RWDD3: variants seen among roughly 807,000 people sequenced by gnomAD.
The protein encoded by RWDD3 is RWD domain-containing protein 3.
RWDD3 carries 30 observed loss-of-function variants against 26.5 expected under a neutral mutation model. The observed-to-expected ratio is 1.13, with a 90% CI of 0.85 to 1.54. RWDD3 has a LOEUF of 1.54. RWDD3 is among the 40% of genes most tolerant of loss of function. RWDD3 has a pLI of 0.00. For synonymous variants in RWDD3, 113 were observed against 114.5 expected, an observed-to-expected ratio of 0.99 and a Z score of 0.09; for missense variants, 296 against 309.1, an observed-to-expected ratio of 0.96 and a Z score of 0.32.
chr1:95,245,368 C>CT (rs1440803058), intron 2 of RWDD3, among the ~76,000 whole-genome samples: 1 of 152,092 alleles, frequency 6.6e-6, no homozygotes, highest in Non-Finnish European at 1.5e-5. Flanking sequence ...ATGAGGAAAA[C>CT]TGTTTTTTAT....
chr1:95,235,412 G>A (rs1395351094), intron 1 of RWDD3, among the ~76,000 whole-genome samples: 1 of 124,146 alleles, frequency 8.1e-6, no homozygotes, highest in Non-Finnish European at 1.6e-5. Context: ...AGGCTGGAGT[G>A]CAGTGGCGCG....
Position 95,244,885 on chromosome 1 carries a change from T to C in RWDD3, c.573+187T>C, listed in dbSNP as rs1014913783. On this transcript the variant is annotated intron_variant, in intron 2 of 3. Coordinates refer to ENST00000370202, the MANE Select transcript of RWDD3 (RefSeq NM_015485.5). The stretch of plus-strand genomic sequence containing the variant: ...CTGACTGCTAATTACAAGTACAAAC[T>C]TGCAAAGCTTGAAGAATAAGATTGC... 9 of 631,520 alleles carry C rather than the reference T, an allele frequency of 1.4e-5. No individual in the cohort carries two copies. The Admixed American group carries it at 1.8e-4, about 12-fold the overall frequency. 39.1% of individuals were successfully genotyped at this position (631,520 alleles called of 1,614,324 possible). A position where few individuals can be genotyped will look rare whatever the true frequency, so the allele number is the denominator to read the frequency against.
At chr1:95,239,614 G>A (rs1184878969) in intron 1 of RWDD3, among the ~76,000 whole-genome samples, 1 of 152,066 alleles carries the variant, frequency 6.6e-6, no homozygotes, top group Non-Finnish European at 1.5e-5. Flanking sequence ...TGTGTGGGTG[G>A]GCAGGGGGAT....
At chr1:95,239,952 C>G in intron 1 of RWDD3, 5 of 1,288,282 alleles carry the variant, frequency 3.9e-6, no homozygotes, top group Non-Finnish European at 4.0e-6. Flanking sequence ...CTGTGGGTCT[C>G]AGGGTTTTGA....
intron 1 of RWDD3, chr1:95,239,925 G>A (rs773972717): frequency 2.3e-6 from 3 of 1,289,692 alleles, no homozygotes; most frequent in East Asian, 5.5e-5. Context: ...TGTTTATATG[G>A]CACAGGTTGG....
At chr1:95,242,409 A>G (rs1257895089) in intron 1 of RWDD3, among the ~76,000 whole-genome samples, 2 of 152,144 alleles carry the variant, frequency 1.3e-5, no homozygotes, top group African/African-American at 4.8e-5. Context: ...TGTTCAGTGA[A>G]TGCTTGTTCA....
At chr1:95,242,523 G>A (rs1350793115) in intron 1 of RWDD3, among the ~76,000 whole-genome samples, 2 of 152,238 alleles carry the variant, frequency 1.3e-5, no homozygotes, top group African/African-American at 2.4e-5. Flanking sequence ...AAATGGTTGT[G>A]TGTTGTCTGC....
intron 3 of RWDD3, 47 bp from the exon 4 acceptor site, chr1:95,246,707 TAC>T: frequency 6.5e-7 from 1 of 1,536,524 alleles, no homozygotes; most frequent in Non-Finnish European, 8.9e-7. Context: ...TCGATAATTA[TAC>T]TCTGACAAAT....
intron 1 of RWDD3, among the ~76,000 whole-genome samples, chr1:95,238,466 A>G (rs948021783): frequency 1.3e-5 from 2 of 151,608 alleles, no homozygotes; most frequent in Admixed American, 6.6e-5. Flanking sequence ...TAAAAATCCA[A>G]CTGAAGCATA....
At chr1:95,245,846 C>A (rs1680830949) in intron 2 of RWDD3, among the ~76,000 whole-genome samples, 1 of 152,152 alleles carries the variant, frequency 6.6e-6, no homozygotes, top group Admixed American at 6.5e-5. Context: ...TGCAGATGTT[C>A]TTACTCAGAT....
chr1:95,244,852 A>G (rs1680786376), intron 2 of RWDD3, 154 bp downstream of exon 2: 1 of 872,948 alleles, frequency 1.1e-6, no homozygotes, highest in Non-Finnish European at 1.7e-6. Flanking sequence ...TTTCTTTTTA[A>G]AGAATGTCTG....
intron 1 of RWDD3, chr1:95,239,826 G>T: frequency 7.8e-7 from 1 of 1,289,614 alleles, no homozygotes. Flanking sequence ...GACTGACATG[G>T]CTGGCTCAGT....
At chr1:95,235,222 A>G (rs1571835872) in intron 1 of RWDD3, among the ~76,000 whole-genome samples, 1 of 121,134 alleles carries the variant, frequency 8.3e-6, no homozygotes, top group Non-Finnish European at 1.7e-5. Flanking sequence ...AATTTTTTGT[A>G]TTTTTTTTTT....
intron 1 of RWDD3, chr1:95,243,193 C>T (rs1011511099): frequency 3.3e-5 from 5 of 152,100 alleles, no homozygotes; most frequent in African/African-American, 1.2e-4. Flanking sequence ...ATATCTGTAG[C>T]AATGGCTTTT....
At chr1:95,236,084 G>C (rs1680343312) in intron 1 of RWDD3, among the ~76,000 whole-genome samples, 1 of 152,158 alleles carries the variant, frequency 6.6e-6, no homozygotes, top group Non-Finnish European at 1.5e-5. Context: ...CCAGCACTTT[G>C]GGAGGCCGAG....
Position 95,246,772 on chromosome 1 carries a change from G to A in RWDD3, c.706G>A (p.Val236Ile), listed in dbSNP as rs749702259. Reference sequence around the variant, plus strand: ...ATAATGCAGGTTTCTGGCATTTGAAGTCAAAGAGTATTCAGCGTTGGATGA... The same window carrying A: ...ATAATGCAGGTTTCTGGCATTTGAAATCAAAGAGTATTCAGCGTTGGATGA... ...TEHKRFLAFE[V>I]KEYSALDELQ... is the part of the protein sequence containing the mutation. The change falls in exon 4 of 4, where the codon GTC (valine) becomes ATC (isoleucine). Residue 236 changes from valine to isoleucine, a missense_variant. Physicochemically the swap from Val to Ile is conservative, Grantham distance 29. Coordinates refer to ENST00000370202, the MANE Select transcript of RWDD3 (RefSeq NM_015485.5). 6.4e-7 allele frequency: 1 copy of A among 1,562,376 alleles called. No homozygotes were observed. Among genetic ancestry groups the A allele is most frequent in the Non-Finnish European group, 8.6e-7 (1 of 1,157,898 alleles).
At chr1:95,236,870 C>T (rs1680384488) in intron 1 of RWDD3, among the ~76,000 whole-genome samples, 1 of 152,128 alleles carries the variant, frequency 6.6e-6, no homozygotes, top group African/African-American at 2.4e-5. Context: ...GAGCATAAAA[C>T]ACTGCTGAAG....
At chr1:95,234,594 A>G (rs1002931069) in intron 1 of RWDD3, among the ~76,000 whole-genome samples, 1 of 129,924 alleles carries the variant, frequency 7.7e-6, no homozygotes, top group African/African-American at 2.9e-5. Flanking sequence ...GCGCACCCCC[A>G]GGCCCTCCCC....
chr1:95,239,980 A>C, intron 1 of RWDD3: 1 of 1,266,012 alleles, frequency 7.9e-7, no homozygotes. Context: ...AGGATTCTTC[A>C]AAGTTTGCAG....
Sources: allele counts gnomAD v4.1 joint callset (sites outside exome capture counted in the v4.1 genomes callset), GRCh38; gene constraint gnomAD v4.1.1; transcripts MANE v1.5; gene names NCBI Gene and HGNC (gene_info 2026-07-23, HGNC 2026-07-21).